Variants in ANKFY1 observed in about 807,000 individuals in gnomAD.
The protein encoded by ANKFY1 is ankyrin repeat and FYVE domain-containing protein 1.
ANKFY1 carries 47 observed loss-of-function variants against 128.3 expected under a neutral mutation model. The observed-to-expected ratio is 0.37, with a 90% CI of 0.29 to 0.47. ANKFY1 has a LOEUF of 0.47. Ranked by LOEUF, ANKFY1 falls within the 20% of genes least tolerant of loss-of-function variation. The pLI, the probability that ANKFY1 is intolerant of heterozygous loss-of-function variation, is 1.00. For synonymous variants in ANKFY1, 553 were observed against 601.6 expected, an observed-to-expected ratio of 0.92 and a Z score of 1.18; for missense variants, 1,222 against 1,510.6, an observed-to-expected ratio of 0.81 and a Z score of 3.17.
intron 1 of ANKFY1, among the ~76,000 whole-genome samples, chr17:4,254,899 T>C (rs1382843309): frequency 6.6e-6 from 1 of 152,158 alleles, no homozygotes; most frequent in East Asian, 1.9e-4. Flanking sequence ...ATACTAACAG[T>C]GAAACTCACT....
At chr17:4,248,308 G>A (rs74498987) in intron 1 of ANKFY1, among the ~76,000 whole-genome samples, 10,609 of 152,254 alleles carry the variant, frequency 0.07, 499 homozygotes, top group South Asian at 0.15. Flanking sequence ...TCACAGGAGC[G>A]TGAACCCTCC....
chr17:4,224,450 T>C (rs2060387387), intron 3 of ANKFY1, among the ~76,000 whole-genome samples: 1 of 151,992 alleles, frequency 6.6e-6, no homozygotes, highest in Admixed American at 6.6e-5. Context: ...TGAAGTTTTT[T>C]TAATGTTATT....
At chr17:4,198,654 G>A (rs759933690) in intron 7 of ANKFY1, among the ~76,000 whole-genome samples, 7 of 152,044 alleles carry the variant, frequency 4.6e-5, no homozygotes, top group Non-Finnish European at 7.4e-5. Context: ...TTACAGATGT[G>A]AGCCACCGTG....
chr17:4,179,885 G>C lies in ANKFY1; in HGVS notation c.2241-8C>G. On this transcript the variant is annotated splice_region_variant and splice_polypyrimidine_tract_variant and intron_variant, in intron 16 of 24. Coordinates refer to ENST00000341657, the MANE Select transcript of ANKFY1 (RefSeq NM_001330063.2). Reference sequence around the variant, plus strand: ...CTGTTCACGTCACAGCCACTGAAAGGAATGGGGACATTTTAAAAAACGCCA... The same window carrying C: ...CTGTTCACGTCACAGCCACTGAAAGCAATGGGGACATTTTAAAAAACGCCA... 3 of 1,613,910 alleles carry C rather than the reference G, an allele frequency of 1.9e-6. No homozygotes were observed. Among genetic ancestry groups the C allele is most frequent in the Admixed American group, 1.7e-5 (1 of 59,994 alleles).
intron 1 of ANKFY1, among the ~76,000 whole-genome samples, chr17:4,258,635 T>C (rs1968250746): frequency 6.6e-6 from 1 of 152,142 alleles, no homozygotes; most frequent in African/African-American, 2.4e-5. Flanking sequence ...CTTCTGGCAA[T>C]GGTGCAAGTG....
At chr17:4,233,023 A>C (rs2060539944) in intron 3 of ANKFY1, among the ~76,000 whole-genome samples, 1 of 152,150 alleles carries the variant, frequency 6.6e-6, no homozygotes. Context: ...AAAAGTAGGA[A>C]TATTTCACAG....
At chr17:4,250,128 G>A (rs1967750750) in intron 1 of ANKFY1, among the ~76,000 whole-genome samples, 1 of 152,126 alleles carries the variant, frequency 6.6e-6, no homozygotes. Context: ...ACGGCACAGT[G>A]CTGCAAGGTG....
chr17:4,226,857 CAAGAA>C (rs1157373993), intron 3 of ANKFY1, among the ~76,000 whole-genome samples: 1 of 151,366 alleles, frequency 6.6e-6, no homozygotes, highest in Non-Finnish European at 1.5e-5. Flanking sequence ...ATAGACTTAT[CAAGAA>C]AAAAAGAGTG....
At chr17:4,191,632 A>T (rs1293508881) in intron 10 of ANKFY1, among the ~76,000 whole-genome samples, 1 of 137,484 alleles carries the variant, frequency 7.3e-6, no homozygotes, top group African/African-American at 2.7e-5. Flanking sequence ...GTTGATGGTT[A>T]ATCTGGAGAC....
At chr17:4,254,303 CAAAAAAAAAA>C (rs572606909) in intron 1 of ANKFY1, among the ~76,000 whole-genome samples, 10 of 81,952 alleles carry the variant, frequency 1.2e-4, no homozygotes, top group African/African-American at 5.2e-4. Flanking sequence ...GACTCCATCT[CAAAAAAAAAA>C]AAAAAAAAAA....
At chr17:4,245,819 C>A (rs1273576409) in intron 1 of ANKFY1, among the ~76,000 whole-genome samples, 1 of 150,590 alleles carries the variant, frequency 6.6e-6, no homozygotes, top group East Asian at 2.0e-4. Context: ...GAGGCTGAGG[C>A]GGGCAGATCA....
chr17:4,173,528 TG>T (rs2059360778), intron 20 of ANKFY1, 84 bp from the exon 21 acceptor site: 2 of 1,297,062 alleles, frequency 1.5e-6, no homozygotes, highest in Non-Finnish European at 2.2e-6. Context: ...CAGACCTCTC[TG>T]TAAATGGGAC....
rs2059266843 is a variant in ANKFY1 at position 4,169,113 on chromosome 17, G to A, written c.3377+85C>T. 9 of 1,332,488 alleles carry A rather than the reference G, an allele frequency of 6.8e-6. No individual in the cohort carries two copies. The South Asian group carries it at 1.2e-4, about 17-fold the overall frequency. The allele number at this position is 1,332,488 out of a possible 1,614,324, so 82.5% of individuals were successfully genotyped here. A position where few individuals can be genotyped will look rare whatever the true frequency, so the allele number is the denominator to read the frequency against. ...CCATCAATGTGCAGGACCCAGGCAA[G>A]TTCACGGCCTGTCCTGGAGAAGGGG... On this transcript the variant is annotated intron_variant, in intron 24 of 24. Coordinates refer to ENST00000341657, the MANE Select transcript of ANKFY1 (RefSeq NM_001330063.2). The surrounding 1 kb of genome is among the most constrained non-coding windows in gnomAD (Gnocchi z 5.0).
At chr17:4,260,379 G>A (rs1214098094) in intron 1 of ANKFY1, among the ~76,000 whole-genome samples, 1 of 152,120 alleles carries the variant, frequency 6.6e-6, no homozygotes, top group Non-Finnish European at 1.5e-5. Context: ...CACTTCAGGA[G>A]GCCCAGGCAG....
Position 4,165,410 on chromosome 17 carries a change from G to C in ANKFY1, c.*2369C>G, listed in dbSNP as rs2059193905. 6.6e-6 allele frequency: 1 copy of C among 152,254 alleles called. No homozygotes were observed. The highest frequency in any genetic ancestry group is 1.5e-5 in the Non-Finnish European group (1 of 68,040). The allele number at this position is 152,254 out of a possible 1,614,324, so 9.4% of individuals were successfully genotyped here. On this transcript the variant is annotated 3_prime_UTR_variant, in exon 25 of 25. Transcript: ENST00000341657. ...GATGAAAACTTACAACAGCTAGGCAGGTTTGTACGCAAGTGTTGACAGCAG... is the reference window on the plus strand; with the variant it reads ...GATGAAAACTTACAACAGCTAGGCACGTTTGTACGCAAGTGTTGACAGCAG...
At chr17:4,172,106 C>G (rs1169116444) in intron 22 of ANKFY1, among the ~76,000 whole-genome samples, 1 of 152,178 alleles carries the variant, frequency 6.6e-6, no homozygotes, top group African/African-American at 2.4e-5. Context: ...CCATGAGAGG[C>G]CTGTAGCCCT....
chr17:4,189,831 G>C (rs1312486497), intron 10 of ANKFY1, among the ~76,000 whole-genome samples: 2 of 149,738 alleles, frequency 1.3e-5, no homozygotes, highest in Admixed American at 1.3e-4. Context: ...AGTCCACATA[G>C]GTACTCTCTG....
intron 1 of ANKFY1, among the ~76,000 whole-genome samples, chr17:4,262,204 G>A (rs1450905416): frequency 6.6e-6 from 1 of 152,076 alleles, no homozygotes; most frequent in African/African-American, 2.4e-5. Context: ...CCAGGCTGGT[G>A]CAGTTCACTG....
At chr17:4,205,061 G>A (rs1292160730) in intron 7 of ANKFY1, among the ~76,000 whole-genome samples, 1 of 152,110 alleles carries the variant, frequency 6.6e-6, no homozygotes, top group Non-Finnish European at 1.5e-5. Context: ...CCACCAACTA[G>A]GAGCAATTTG....
Sources: gnomAD v4.1 joint callset for allele counts (sites outside exome capture counted in the v4.1 genomes callset) on GRCh38, gnomAD v4.1.1 for gene constraint, Gnocchi (gnomAD v3.1) non-coding constraint, MANE v1.5 for transcripts, NCBI Gene and HGNC (gene_info 2026-07-23, HGNC 2026-07-21) for gene names.